The following DYSF variants were observed in gnomAD, a reference collection of about 807,000 sequenced individuals.
DYSF encodes dystrophy-associated fer-1-like 1.
A neutral mutation model predicts 274.9 loss-of-function variants in DYSF; 212 were observed. The ratio of observed to expected loss-of-function variants is 0.77; its 90% CI spans 0.69 to 0.86. DYSF has a LOEUF of 0.86. DYSF is among the 40% of genes least tolerant of loss of function. The probability of loss-of-function intolerance (pLI) is 0.00; values close to 1 mark genes in which losing one functional copy is unlikely to be tolerated. For synonymous variants in DYSF, 1,091 were observed against 1,078.7 expected (o/e 1.01, Z -0.22); for missense variants, 2,666 against 2,783.2 (o/e 0.96, Z 0.95).
chr2:71,458,551 G>A (rs1413796133), intron 1 of DYSF, among the ~76,000 whole-genome samples: 2 of 152,180 alleles, frequency 1.3e-5, no homozygotes, highest in Non-Finnish European at 2.9e-5. Context: ...GGCTGGCAGT[G>A]GCCCTCACTG....
chr2:71,655,863 T>C (rs1395540970), intron 42 of DYSF, among the ~76,000 whole-genome samples: 1 of 152,228 alleles, frequency 6.6e-6, no homozygotes, highest in Non-Finnish European at 1.5e-5. Flanking sequence ...CTAACGGAGC[T>C]GAACAAATAT....
chr2:71,596,385 A>G (rs1391795893), intron 32 of DYSF, among the ~76,000 whole-genome samples: 2 of 152,154 alleles, frequency 1.3e-5, no homozygotes, highest in Non-Finnish European at 2.9e-5. Context: ...ATAAAAATAA[A>G]GCGTAGGGAA....
intron 13 of DYSF, among the ~76,000 whole-genome samples, chr2:71,527,987 A>G (rs2088162052): frequency 6.6e-6 from 1 of 152,266 alleles, no homozygotes; most frequent in Admixed American, 6.5e-5. Flanking sequence ...TTTTCTGAGT[A>G]CTTACTGCCC....
At chr2:71,634,291 T>TG (rs2094359941) in intron 41 of DYSF, among the ~76,000 whole-genome samples, 1 of 152,268 alleles carries the variant, frequency 6.6e-6, no homozygotes, top group South Asian at 2.1e-4. Flanking sequence ...GCTTAGCTAT[T>TG]GCAAAATGAG....
chr2:71,635,963 G>C (rs2094395875), intron 41 of DYSF, among the ~76,000 whole-genome samples: 1 of 152,052 alleles, frequency 6.6e-6, no homozygotes, highest in Non-Finnish European at 1.5e-5. Context: ...ATGAGGGTGA[G>C]ACTGAGGCTG....
intron 3 of DYSF, among the ~76,000 whole-genome samples, chr2:71,482,638 C>T (rs756260186): frequency 1.3e-5 from 2 of 152,076 alleles, no homozygotes; most frequent in South Asian, 2.1e-4. Context: ...GCCTTGTAAA[C>T]GGAGGTGGTG....
intron 17 of DYSF, among the ~76,000 whole-genome samples, chr2:71,543,041 G>A (rs939503061): frequency 2.0e-5 from 3 of 151,218 alleles, no homozygotes; most frequent in South Asian, 2.1e-4. Flanking sequence ...CTGGCCGGGC[G>A]GGGGCTGCCC....
At chr2:71,678,567 A>G (rs1009128467) in intron 52 of DYSF, among the ~76,000 whole-genome samples, 2 of 152,142 alleles carry the variant, frequency 1.3e-5, no homozygotes, top group Admixed American at 6.5e-5. Context: ...ATGGGTGCAG[A>G]GTTTTTGTTT....
intron 24 of DYSF, 61 bp from the exon 25 acceptor site, chr2:71,567,890 C>G: frequency 6.2e-7 from 1 of 1,600,692 alleles, no homozygotes; most frequent in Non-Finnish European, 8.5e-7. Flanking sequence ...TCCCCAGCCT[C>G]TCACTGGGAC....
chr2:71,454,871 C>G (rs1301355261), intron 1 of DYSF, among the ~76,000 whole-genome samples: 1 of 126,724 alleles, frequency 7.9e-6, no homozygotes, highest in Admixed American at 7.7e-5. Flanking sequence ...CTCCAGGAAC[C>G]CTTCAGGACC....
intron 1 of DYSF, among the ~76,000 whole-genome samples, chr2:71,455,315 C>G (rs1040940221): frequency 6.6e-6 from 1 of 152,190 alleles, no homozygotes; most frequent in Admixed American, 6.5e-5. Context: ...ATTTGTTGGA[C>G]CAGAGCAGAG....
At chr2:71,557,038 T>C (rs1040144055) in intron 22 of DYSF, among the ~76,000 whole-genome samples, 11 of 152,246 alleles carry the variant, frequency 7.2e-5, no homozygotes, top group African/African-American at 1.9e-4. Context: ...AGAGAAATGC[T>C]CCCGGCCCAG....
In DYSF at chr2:71,569,935, G is replaced by A; in HGVS notation, c.2979+1G>A. 1 of 1,613,622 alleles carries A rather than the reference G, an allele frequency of 6.2e-7. No individual in the cohort carries two copies. The highest frequency in any genetic ancestry group is 8.5e-7 in the Non-Finnish European group (1 of 1,179,676). On this transcript the variant is annotated splice_donor_variant, in intron 27 of 55. Coordinates refer to ENST00000410020, the MANE Select transcript of DYSF (RefSeq NM_001130987.2). LOFTEE classifies it high-confidence loss of function. ...CATGAGTGACAACTACACCGATGTG[G>A]TAAAGCAGGCACTCAGGGGCAGGTG...
At chr2:71,663,365 G>C (rs2094936716) in intron 45 of DYSF, among the ~76,000 whole-genome samples, 2 of 152,208 alleles carry the variant, frequency 1.3e-5, no homozygotes, top group African/African-American at 4.8e-5. Context: ...GTTCTCAGAT[G>C]GTCAACTCCA....
At chr2:71,685,201 G>T (rs1055625966) in intron 55 of DYSF, among the ~76,000 whole-genome samples, 1 of 152,208 alleles carries the variant, frequency 6.6e-6, no homozygotes, top group African/African-American at 2.4e-5. Context: ...GAGTGGTACT[G>T]TGGGGGGCCT....
At chr2:71,499,540 C>T (rs139418114) in intron 3 of DYSF, among the ~76,000 whole-genome samples, 29 of 152,358 alleles carry the variant, frequency 1.9e-4, no homozygotes, top group African/African-American at 7.0e-4. Flanking sequence ...CTGCCTAAGG[C>T]TAAGGTTTGG....
rs1558833873 is a variant in DYSF, at chr2:71,686,618, G to C, written c.*126G>C. The C allele has an allele frequency of 8.6e-7, 1 of 1,156,560 alleles. No individual in the cohort carries two copies. 71.6% of individuals were successfully genotyped at this position (1,156,560 alleles called of 1,614,324 possible). On this transcript the variant is annotated 3_prime_UTR_variant, in exon 56 of 56. Transcript: ENST00000410020. ...CCTGATTGTCCTGCCAGGGTGGGCA[G>C]ACAGACAGATGGACCGGCCCACACT...
At chr2:71,458,197 T>A (rs1383405479) in intron 1 of DYSF, among the ~76,000 whole-genome samples, 2 of 152,202 alleles carry the variant, frequency 1.3e-5, no homozygotes, top group African/African-American at 4.8e-5. Flanking sequence ...TATGTGTTAG[T>A]CCATATAAAG....
At chr2:71,664,507 C>G in intron 46 of DYSF, 69 bp downstream of exon 46, 1 of 1,582,152 alleles carries the variant, frequency 6.3e-7, no homozygotes, top group Non-Finnish European at 8.6e-7. Context: ...TGACAACACA[C>G]CACCACTGAG....
Sources: gnomAD v4.1 joint callset for allele counts (sites outside exome capture counted in the v4.1 genomes callset) on GRCh38, gnomAD v4.1.1 for gene constraint, MANE v1.5 for transcripts, NCBI Gene and HGNC (gene_info 2026-07-23, HGNC 2026-07-21) for gene names.